Variants in MEAK7 observed in about 807,000 individuals in gnomAD.
The protein encoded by MEAK7 is MTOR associated protein MEAK7.
In MEAK7, 68 loss-of-function variants were observed where a neutral mutation model predicts 40.5. That is an observed-to-expected ratio of 1.68 (90% confidence interval 1.38 to 2.06). The LOEUF is 2.06. Among genes scored for constraint, MEAK7 ranks in the 30% most tolerant of loss-of-function variants. The pLI is 0.00. For synonymous variants in MEAK7, 338 were observed against 231.9 expected, an observed-to-expected ratio of 1.46 and a Z score of -4.16; for missense variants, 918 against 580.5, an observed-to-expected ratio of 1.58 and a Z score of -5.98.
At position 84,479,824 on chromosome 16, in the gene MEAK7, A is replaced by C; in HGVS notation, c.*89T>G. On this transcript the variant is annotated 3_prime_UTR_variant, in exon 8 of 8. Coordinates refer to ENST00000343629, the MANE Select transcript of MEAK7 (RefSeq NM_020947.4). ...ACCCGTGCGGTACGCTATTACAGTT[A>C]AACCATGTGGGAGGGAAGAGGGGCT... 1 of 1,006,192 alleles carries C rather than the reference A, an allele frequency of 9.9e-7. No homozygotes were observed. The highest frequency in any genetic ancestry group is 1.4e-6 in the Non-Finnish European group (1 of 698,074). 62.3% of individuals were successfully genotyped at this position (1,006,192 alleles called of 1,614,324 possible). A position where few individuals can be genotyped will look rare whatever the true frequency, so the allele number is the denominator to read the frequency against.
At position 84,504,225 on chromosome 16, in the gene MEAK7, A is replaced by G. The variant is rs1270520121; in HGVS notation, c.-26+376T>C. On this transcript the variant is annotated intron_variant, in intron 1 of 7. Transcript: ENST00000343629. ...ACACACACTTCAGTGTCTACCCCAG[A>G]CTCGCCTCCTCCGTGGAGGCACCCC... The G allele has an allele frequency of 1.2e-5, 11 of 913,954 alleles. No homozygotes were observed. In the South Asian group the frequency reaches 5.6e-4, roughly 46 times the overall value. The allele number at this position is 913,954 out of a possible 1,614,324, so 56.6% of individuals were successfully genotyped here. A position where few individuals can be genotyped will look rare whatever the true frequency, so the allele number is the denominator to read the frequency against.
At position 84,482,607 on chromosome 16, in the gene MEAK7, C is replaced by G. The variant is rs756537974; in HGVS notation, c.1062G>C (p.Thr354=). The change falls in exon 6 of 8, where the codon ACG becomes ACC. Residue 354 remains threonine (T), a synonymous_variant. Transcript: ENST00000343629. ...HYMYLNHGQQ[T]IPNGLGMGGQ... ...CCGGGCTCACCAGTCCGTTCGGGAT[C>G]GTCTGCTGTCCATGGTTCAAGTACA... 2 of 1,614,242 alleles carry G rather than the reference C, an allele frequency of 1.2e-6. No homozygotes were observed. Among genetic ancestry groups the G allele is most frequent in the Non-Finnish European group, 1.7e-6 (2 of 1,180,044 alleles).
At chr16:84,482,258 C>T (rs904828017) in intron 6 of MEAK7, among the ~76,000 whole-genome samples, 3 of 152,216 alleles carry the variant, frequency 2.0e-5, no homozygotes, top group Non-Finnish European at 4.4e-5. Context: ...GGCAGGCCAG[C>T]GACGCGCAGG....
At chr16:84,482,806 G>A in intron 5 of MEAK7, 96 bp from the exon 6 acceptor site, 4 of 1,540,574 alleles carry the variant, frequency 2.6e-6, no homozygotes, top group South Asian at 1.2e-5. Flanking sequence ...GGAAGCAACA[G>A]GGCCAAGACC....
chr16:84,497,448 C>T (rs1046687866), intron 2 of MEAK7: 22 of 1,289,374 alleles, frequency 1.7e-5, no homozygotes, highest in African/African-American at 3.0e-5. Context: ...GCACCTGACA[C>T]GTCATGGTTC....
At chr16:84,480,060 T>C in intron 7 of MEAK7, 34 bp from the exon 8 acceptor site, 1 of 1,521,124 alleles carries the variant, frequency 6.6e-7, no homozygotes, top group Non-Finnish European at 9.0e-7. Context: ...GTGTGTTCCA[T>C]GATGGCCCAA....
chr16:84,485,330 G>A (rs993444403), intron 5 of MEAK7, among the ~76,000 whole-genome samples: 24 of 152,182 alleles, frequency 1.6e-4, no homozygotes, highest in Non-Finnish European at 1.0e-4. Flanking sequence ...TCAAACCCTA[G>A]AAACAATGCA....
chr16:84,485,443 C>A (rs1158079460), intron 5 of MEAK7, among the ~76,000 whole-genome samples: 3 of 152,210 alleles, frequency 2.0e-5, no homozygotes, highest in Admixed American at 2.0e-4. Context: ...GCAAGGGCAA[C>A]TCCACCTGGA....
At chr16:84,501,657 G>A (rs944957333) in intron 1 of MEAK7, among the ~76,000 whole-genome samples, 2 of 152,112 alleles carry the variant, frequency 1.3e-5, no homozygotes, top group Non-Finnish European at 2.9e-5. Flanking sequence ...AAGCAGGAGA[G>A]AGGAGGTTGC....
chr16:84,482,833 A>C, intron 5 of MEAK7, 123 bp from the exon 6 acceptor site: 1 of 1,432,404 alleles, frequency 7.0e-7, no homozygotes, highest in Non-Finnish European at 9.5e-7. Context: ...ACCCATGTCC[A>C]GGTGTCGGCA....
At chr16:84,480,049 G>A in intron 7 of MEAK7, 23 bp from the exon 8 acceptor site, 2 of 1,557,438 alleles carry the variant, frequency 1.3e-6, no homozygotes, top group African/African-American at 2.7e-5. Flanking sequence ...AGAAAGGGTG[G>A]GTGTGTTCCA....
chr16:84,480,061 G>C (rs370090649), intron 7 of MEAK7, 35 bp from the exon 8 acceptor site: 3 of 1,516,116 alleles, frequency 2.0e-6, no homozygotes, highest in Admixed American at 3.8e-5. Context: ...TGTGTTCCAT[G>C]ATGGCCCAAC....
intron 4 of MEAK7, among the ~76,000 whole-genome samples, chr16:84,488,697 G>A (rs141687757): frequency 1.6e-4 from 24 of 152,228 alleles, no homozygotes; most frequent in African/African-American, 5.3e-4. Context: ...TAGCCAGTAG[G>A]CCAAATGAAA....
chr16:84,501,840 G>A (rs1003353132), intron 1 of MEAK7, among the ~76,000 whole-genome samples: 7 of 152,122 alleles, frequency 4.6e-5, no homozygotes, highest in African/African-American at 7.2e-5. Context: ...TGAGAGCCCC[G>A]TGCCAGGCAA....
intron 3 of MEAK7, among the ~76,000 whole-genome samples, chr16:84,493,458 G>T (rs1228353391): frequency 6.6e-6 from 1 of 152,234 alleles, no homozygotes; most frequent in Non-Finnish European, 1.5e-5. Context: ...CAAGCAAGAA[G>T]TTAATTGCGT....
chr16:84,490,225 T>C (rs1913449449), intron 3 of MEAK7, among the ~76,000 whole-genome samples: 1 of 151,576 alleles, frequency 6.6e-6, no homozygotes, highest in Admixed American at 6.6e-5. Flanking sequence ...CGAGGGAACG[T>C]TCCAAATTAT....
At chr16:84,504,076 C>T in intron 1 of MEAK7, 10 of 985,572 alleles carry the variant, frequency 1.0e-5, no homozygotes, top group East Asian at 1.1e-4. Context: ...CAAGAAGTTC[C>T]TGTGGGCCAG....
chr16:84,501,796 G>A (rs1426563571), intron 1 of MEAK7, among the ~76,000 whole-genome samples: 1 of 152,136 alleles, frequency 6.6e-6, no homozygotes, highest in Non-Finnish European at 1.5e-5. Context: ...GAAGGGACAC[G>A]TCTCAGAACG....
chr16:84,486,917 A>G lies in MEAK7; in HGVS notation c.672T>C (p.Ser224=), dbSNP rs780589576. 3 of 1,614,164 alleles carry G rather than the reference A, an allele frequency of 1.9e-6. No homozygotes were observed. In the East Asian group the frequency reaches 6.7e-5, roughly 36 times the overall value. ...CAGGGACCAGGGTAGTCAGATCAAGAGACGAGCACAGGATGAGAAAGCCCT... is the reference window on the plus strand; with the variant it reads ...CAGGGACCAGGGTAGTCAGATCAAGGGACGAGCACAGGATGAGAAAGCCCT... ...ICKGFLILCS[S]LDLTTLVPER... The change falls in exon 5 of 8, where the codon TCT becomes TCC. Residue 224 remains serine (S), a synonymous_variant. Transcript: ENST00000343629.
Sources: allele counts gnomAD v4.1 joint callset (sites outside exome capture counted in the v4.1 genomes callset), GRCh38; gene constraint gnomAD v4.1.1; transcripts MANE v1.5; gene names NCBI Gene and HGNC (gene_info 2026-07-23, HGNC 2026-07-21).